The following BTD variants were observed in gnomAD, a reference collection of about 807,000 sequenced individuals.
BTD encodes biotinidase.
BTD carries 13 observed loss-of-function variants against 17.7 expected under a neutral mutation model. That is an observed-to-expected ratio of 0.74 (90% confidence interval 0.48 to 1.17). BTD has a LOEUF of 1.17. BTD is among the 50% of genes most tolerant of loss of function. The pLI, the probability that BTD is intolerant of heterozygous loss-of-function variation, is 0.00. For missense variants in BTD, 674 were observed against 650.4 expected, an observed-to-expected ratio of 1.04 and a Z score of -0.39; for synonymous variants, 240 against 245.2, an observed-to-expected ratio of 0.98 and a Z score of 0.20.
chr3:15,678,020 G>T lies in BTD; in HGVS notation c.400-32040G>T, dbSNP rs549750605. 1.2e-4 allele frequency among the ~76,000 whole-genome samples: 19 copies of T among 152,262 alleles called. 1 individual carries two copies. Among genetic ancestry groups the T allele is most frequent in the Admixed American group, 6.5e-4 (10 of 15,286 alleles). On this transcript the variant is annotated intron_variant, in intron 3 of 3. Coordinates refer to the BTD transcript ENST00000672141. ...TATGTTATAAGGCCATGGTAAAGTA[G>T]ACTCCTCAATAGTCAGGGCAAACTA...
At chr3:15,662,654 G>T (rs1034233977) in intron 3 of BTD, among the ~76,000 whole-genome samples, 4 of 151,990 alleles carry the variant, frequency 2.6e-5, no homozygotes, top group Non-Finnish European at 5.9e-5. Context: ...AGTGGTGAAG[G>T]GGGCCATCCA....
At chr3:15,674,890 A>G (rs2066772485) in intron 3 of BTD, among the ~76,000 whole-genome samples, 1 of 152,130 alleles carries the variant, frequency 6.6e-6, no homozygotes, top group African/African-American at 2.4e-5. Context: ...AACACAGTAG[A>G]AGTCATTGGT....
chr3:15,658,566 C>A (rs1307743822), downstream of BTD, among the ~76,000 whole-genome samples: 3 of 152,038 alleles, frequency 2.0e-5, no homozygotes, highest in African/African-American at 7.3e-5. Flanking sequence ...TGAGTCAAAC[C>A]CCTTTAATCC....
intron 1 of BTD, among the ~76,000 whole-genome samples, chr3:15,617,370 C>G (rs1321535570): frequency 6.6e-6 from 1 of 152,148 alleles, no homozygotes; most frequent in Non-Finnish European, 1.5e-5. Flanking sequence ...TCTAGCTATT[C>G]TCCTATGTTA....
intron 3 of BTD, chr3:15,684,715 T>TAA (rs1334231457): frequency 1.5e-5 from 2 of 130,308 alleles, no homozygotes; most frequent in African/African-American, 2.9e-5. Context: ...GTGGGACTCT[T>TAA]AAAAAAAAAA....
chr3:15,621,795 TCA>T (rs1174029047), intron 1 of BTD, among the ~76,000 whole-genome samples: 1 of 152,108 alleles, frequency 6.6e-6, no homozygotes, highest in Non-Finnish European at 1.5e-5. Context: ...AGATGGGGTT[TCA>T]CCATGTTGGC....
At chr3:15,678,665 C>T (rs2067212563) in intron 3 of BTD, among the ~76,000 whole-genome samples, 1 of 152,126 alleles carries the variant, frequency 6.6e-6, no homozygotes, top group African/African-American at 2.4e-5. Flanking sequence ...CTGAATACCA[C>T]CACTTATTAC....
chr3:15,717,797 C>G (rs921519437), intron 4 of BTD, among the ~76,000 whole-genome samples: 1 of 152,274 alleles, frequency 6.6e-6, no homozygotes, highest in South Asian at 2.1e-4. Flanking sequence ...CAGACCTATA[C>G]TGCTTTATAA....
chr3:15,601,500 C>T (rs1458843574), upstream of BTD: 2 of 1,610,320 alleles, frequency 1.2e-6, no homozygotes, highest in East Asian at 2.2e-5. Context: ...ACGCAGCCGG[C>T]AAACAAGCGG....
intron 2 of BTD, among the ~76,000 whole-genome samples, chr3:15,640,694 T>G (rs1371276774): frequency 6.6e-6 from 1 of 152,130 alleles, no homozygotes; most frequent in African/African-American, 2.4e-5. Flanking sequence ...CTTGGCCGTA[T>G]TTTTTAAAGT....
chr3:15,635,592 G>A lies in BTD; in HGVS notation c.153G>A (p.Leu51=). 6.2e-7 allele frequency: 1 copy of A among 1,614,214 alleles called. No homozygotes were observed. The highest frequency in any genetic ancestry group is 1.1e-5 in the South Asian group (1 of 91,084). ...ATGAGCATCCATCCATCCTGAGTCT[G>A]AACCCTCTGGCTCTCATCAGCCGCC... The part of the protein sequence containing the change: ...AVYEHPSILS[L]NPLALISRQE... The change falls in exon 2 of 4, where the codon CTG becomes CTA. Residue 51 remains leucine (L), a synonymous_variant. Coordinates refer to ENST00000643237, the MANE Select transcript of BTD (RefSeq NM_001370658.1). The surrounding 1 kb of genome is among the most constrained non-coding windows in gnomAD (Gnocchi z 4.1).
intron 3 of BTD, among the ~76,000 whole-genome samples, chr3:15,691,796 C>A (rs1483237959): frequency 1.3e-5 from 2 of 152,106 alleles, no homozygotes; most frequent in African/African-American, 4.8e-5. Context: ...AAAGAATGAA[C>A]TCTGAGGAAT....
At chr3:15,665,704 G>A (rs372644605) in intron 3 of BTD, among the ~76,000 whole-genome samples, 152 of 152,332 alleles carry the variant, frequency 1.0e-3, no homozygotes, top group African/African-American at 3.6e-3. Flanking sequence ...GAGGTAGGGC[G>A]TGGCCACGAT....
In BTD at chr3:15,645,202, T is replaced by C. The variant is rs2065663213; in HGVS notation, c.1286T>C (p.Val429Ala). Residue 429 changes from valine (V) to alanine (A), a missense_variant, in exon 4 of 4, where the codon GTA becomes GCA. By Grantham distance (64) the Val-to-Ala change is moderately conservative (BLOSUM62 0). Coordinates refer to ENST00000643237, the MANE Select transcript of BTD (RefSeq NM_001370658.1). ...GGGGTCTTTGATGGGCTTCACACAGTACATGGCACTTACTACATCCAAGTG... is the reference window on the plus strand; with the variant it reads ...GGGGTCTTTGATGGGCTTCACACAGCACATGGCACTTACTACATCCAAGTG... Reference protein sequence around the residue: ...ALGVFDGLHTVHGTYYIQVCA... With the variant: ...ALGVFDGLHTAHGTYYIQVCA... 16 of 1,614,190 alleles carry C rather than the reference T, an allele frequency of 9.9e-6. No homozygotes were observed. The highest frequency in any genetic ancestry group is 1.2e-5 in the Non-Finnish European group (14 of 1,180,026).
intron 3 of BTD, among the ~76,000 whole-genome samples, chr3:15,687,124 T>G (rs1291504738): frequency 6.6e-6 from 1 of 151,818 alleles, no homozygotes; most frequent in East Asian, 1.9e-4. Context: ...TTTGTATTTT[T>G]AGGAGAGATG....
downstream of BTD, among the ~76,000 whole-genome samples, chr3:15,713,293 T>C (rs767528837): frequency 2.6e-5 from 4 of 152,208 alleles, no homozygotes; most frequent in African/African-American, 7.2e-5. Flanking sequence ...AACTGCGTTA[T>C]TACTCAAAGT....
In BTD at chr3:15,644,544, A is replaced by T; in HGVS notation, c.628A>T (p.Ile210Phe). The change falls in exon 4 of 4, where the codon ATC becomes TTC. Residue 210 changes from isoleucine (I) to phenylalanine (F), a missense_variant. Physicochemically the swap from Ile to Phe is conservative, Grantham distance 21 (BLOSUM62 0). Coordinates refer to ENST00000643237, the MANE Select transcript of BTD (RefSeq NM_001370658.1). ...CGATGTTCCTCTTAAAGTGGATCTC[A>T]TCACCTTTGATACCCCCTTTGCTGG... ...AFDVPLKVDL[I>F]TFDTPFAGRF... The T allele has an allele frequency of 6.2e-7, 1 of 1,614,028 alleles. No individual in the cohort carries two copies. The highest frequency in any genetic ancestry group is 8.5e-7 in the Non-Finnish European group (1 of 1,179,998).
chr3:15,689,315 G>A (rs1036941539), intron 3 of BTD, among the ~76,000 whole-genome samples: 65 of 152,282 alleles, frequency 4.3e-4, no homozygotes, highest in East Asian at 1.2e-3. Context: ...AAGCTTTGAC[G>A]GTAGTGGGGC....
At chr3:15,641,779 T>C in intron 2 of BTD, 129 bp from the exon 3 acceptor site, 2 of 730,460 alleles carry the variant, frequency 2.7e-6, no homozygotes. Context: ...ACACCATCTC[T>C]GTGCCTCTGG....
Sources: gnomAD v4.1 joint callset for allele counts (sites outside exome capture counted in the v4.1 genomes callset) on GRCh38, gnomAD v4.1.1 for gene constraint, Gnocchi (gnomAD v3.1) non-coding constraint, MANE v1.5 for transcripts, NCBI Gene and HGNC (gene_info 2026-07-23, HGNC 2026-07-21) for gene names.